The following SYT2 variants were observed in gnomAD, a reference collection of about 807,000 sequenced individuals.
The protein encoded by SYT2 is synaptotagmin 2.
A neutral mutation model predicts 39.9 loss-of-function variants in SYT2; 15 were observed. That is an observed-to-expected ratio of 0.38 (90% CI 0.25 to 0.58). The LOEUF (loss-of-function observed/expected upper bound fraction) is 0.58. SYT2 is among the 20% of genes least tolerant of loss of function. The pLI is 0.70. For synonymous variants in SYT2, 181 were observed against 204.5 expected, an observed-to-expected ratio of 0.89 and a Z score of 0.98; for missense variants, 389 against 530.3, an observed-to-expected ratio of 0.73 and a Z score of 2.62.
intron 1 of SYT2, among the ~76,000 whole-genome samples, chr1:202,677,559 T>C (rs546024177): frequency 2.0e-5 from 3 of 152,258 alleles, no homozygotes; most frequent in South Asian, 4.2e-4. Flanking sequence ...CAACTCGCCA[T>C]GTGAATGAGC....
At chr1:202,690,261 G>A (rs1653785016) in intron 1 of SYT2, among the ~76,000 whole-genome samples, 1 of 152,182 alleles carries the variant, frequency 6.6e-6, no homozygotes, top group African/African-American at 2.4e-5. Flanking sequence ...CACAGGCCAA[G>A]CTGAGCCTGG....
intron 1 of SYT2, among the ~76,000 whole-genome samples, chr1:202,653,440 A>T (rs1442417133): frequency 6.6e-6 from 1 of 152,088 alleles, no homozygotes; most frequent in Non-Finnish European, 1.5e-5. Context: ...GTACTACCAC[A>T]GGGGACTGGT....
chr1:202,625,449 G>A (rs1409361448), intron 1 of SYT2, among the ~76,000 whole-genome samples: 2 of 84,632 alleles, frequency 2.4e-5, no homozygotes, highest in Admixed American at 1.3e-4. Context: ...AGGGGGTGTT[G>A]CCAGTGTGCG....
chr1:202,629,427 T>G (rs1193532027), intron 1 of SYT2, among the ~76,000 whole-genome samples: 1 of 152,242 alleles, frequency 6.6e-6, no homozygotes, highest in Non-Finnish European at 1.5e-5. Flanking sequence ...TTTTGGTTGC[T>G]CAAGCTTTCA....
intron 1 of SYT2, among the ~76,000 whole-genome samples, chr1:202,678,799 C>T (rs974584938): frequency 2.6e-5 from 4 of 152,136 alleles, no homozygotes; most frequent in African/African-American, 9.7e-5. Flanking sequence ...ACACAGATGA[C>T]CTCCAGCTAC....
chr1:202,617,536 C>G (rs1457222405), intron 1 of SYT2, among the ~76,000 whole-genome samples: 1 of 152,174 alleles, frequency 6.6e-6, no homozygotes, highest in Non-Finnish European at 1.5e-5. Context: ...GCCAATTAAA[C>G]CTCTTTTCTT....
At chr1:202,635,556 C>A (rs1309743746) in intron 1 of SYT2, among the ~76,000 whole-genome samples, 1 of 152,152 alleles carries the variant, frequency 6.6e-6, no homozygotes, top group Non-Finnish European at 1.5e-5. Flanking sequence ...GGCCAAGAAA[C>A]CTCATCTCTG....
chr1:202,679,071 C>T (rs1313520736), intron 1 of SYT2, among the ~76,000 whole-genome samples: 1 of 152,206 alleles, frequency 6.6e-6, no homozygotes, highest in African/African-American at 2.4e-5. Context: ...TCTGCCCTCT[C>T]TCCCTTGCTC....
At chr1:202,678,540 C>T (rs553202908) in intron 1 of SYT2, among the ~76,000 whole-genome samples, 13 of 152,186 alleles carry the variant, frequency 8.5e-5, no homozygotes, top group Non-Finnish European at 1.3e-4. Context: ...TGTTTTCATA[C>T]GGCTCCCTTA....
intron 1 of SYT2, among the ~76,000 whole-genome samples, chr1:202,669,794 T>A (rs1181797599): frequency 6.6e-6 from 1 of 151,856 alleles, no homozygotes; most frequent in East Asian, 1.9e-4. Flanking sequence ...AATTCTTATC[T>A]TTAATAGATT....
chr1:202,682,595 C>T (rs1465206240), intron 1 of SYT2, among the ~76,000 whole-genome samples: 1 of 152,012 alleles, frequency 6.6e-6, no homozygotes, highest in African/African-American at 2.4e-5. Flanking sequence ...AAGAACACAC[C>T]TGGACATAGG....
At chr1:202,633,630 T>C (rs886581668) in intron 1 of SYT2, among the ~76,000 whole-genome samples, 24 of 152,058 alleles carry the variant, frequency 1.6e-4, no homozygotes, top group Non-Finnish European at 2.9e-4. Flanking sequence ...AGGAAGAACA[T>C]AGAACTTATA....
At position 202,592,085 on chromosome 1, in the gene SYT2, G is replaced by T. The variant is rs1690138505; in HGVS notation, c.*4672C>A. 6.5e-6 allele frequency: 1 copy of T among 152,770 alleles called. No individual in the cohort carries two copies. The highest frequency in any genetic ancestry group is 6.5e-5 in the Admixed American group (1 of 15,292). The allele number at this position is 152,770 out of a possible 1,614,324, so 9.5% of individuals were successfully genotyped here. A position where few individuals can be genotyped will look rare whatever the true frequency, so the allele number is the denominator to read the frequency against. ...GGGGAGCCAGTTGGAGAGACATGGG[G>T]GCTCCTGGGAGGAGCCAAGGGAGGC... On this transcript the variant is annotated 3_prime_UTR_variant, in exon 9 of 9. Coordinates refer to ENST00000367268, the MANE Select transcript of SYT2 (RefSeq NM_177402.5).
At chr1:202,604,647 G>T in intron 2 of SYT2, 26 bp from the exon 3 acceptor site, 1 of 1,609,116 alleles carries the variant, frequency 6.2e-7, no homozygotes, top group African/African-American at 1.3e-5. Context: ...AGATCCCAGG[G>T]TCAGCAGTGC....
intron 1 of SYT2, among the ~76,000 whole-genome samples, chr1:202,616,389 G>A (rs1187589286): frequency 1.3e-5 from 2 of 152,090 alleles, no homozygotes; most frequent in East Asian, 1.9e-4. Flanking sequence ...TCCCTCAGCT[G>A]AGGCTGGACC....
In SYT2 at chr1:202,595,752, G is replaced by C. The variant is rs1376944704; in HGVS notation, c.*1005C>G. On this transcript the variant is annotated 3_prime_UTR_variant, in exon 9 of 9. Coordinates refer to ENST00000367268, the MANE Select transcript of SYT2 (RefSeq NM_177402.5). ...TGCTTATATTCTGGAAAGGGAGAAA[G>C]CATCTGTGTTTCCCACTGGATGGGG... 6.6e-6 allele frequency: 1 copy of C among 152,260 alleles called. No homozygotes were observed. 9.4% of individuals were successfully genotyped at this position (152,260 alleles called of 1,614,324 possible).
At chr1:202,657,410 G>A (rs891311946) in intron 1 of SYT2, among the ~76,000 whole-genome samples, 1 of 152,166 alleles carries the variant, frequency 6.6e-6, no homozygotes, top group African/African-American at 2.4e-5. Flanking sequence ...TGGGAGGTGG[G>A]GTCAGGACCC....
At chr1:202,640,752 GA>G (rs1481948974) in intron 1 of SYT2, among the ~76,000 whole-genome samples, 12 of 117,606 alleles carry the variant, frequency 1.0e-4, no homozygotes, top group Non-Finnish European at 1.7e-4. Flanking sequence ...GAGAGAGAGA[GA>G]GAGAGAGAGA....
chr1:202,647,414 T>C (rs1692107422), intron 1 of SYT2, among the ~76,000 whole-genome samples: 1 of 152,192 alleles, frequency 6.6e-6, no homozygotes. Context: ...CCTTTCTCTC[T>C]GAGCGATCTA....
Sources: gnomAD v4.1 joint callset for allele counts (sites outside exome capture counted in the v4.1 genomes callset) on GRCh38, gnomAD v4.1.1 for gene constraint, MANE v1.5 for transcripts, NCBI Gene and HGNC (gene_info 2026-07-23, HGNC 2026-07-21) for gene names.